The following ZFHX3 variants were observed in gnomAD, a reference collection of about 807,000 sequenced individuals.
ZFHX3 encodes zinc finger homeobox protein 3.
In ZFHX3, 42 loss-of-function variants were observed where a neutral mutation model predicts 279.1. The ratio of observed to expected loss-of-function variants is 0.15; its 90% confidence interval spans 0.12 to 0.19. The LOEUF (loss-of-function observed/expected upper bound fraction) is 0.19, where lower values mean the gene tolerates loss of function less well. ZFHX3 is among the 10% of genes least tolerant of loss of function. The pLI is 1.00. For synonymous variants in ZFHX3, 2,293 were observed against 1,957.8 expected (o/e 1.17, Z -4.52); for missense variants, 4,981 against 4,754.0 (o/e 1.05, Z -1.40).
chr16:72,799,183 C>T (rs959170174), intron 8 of ZFHX3, among the ~76,000 whole-genome samples: 3 of 152,214 alleles, frequency 2.0e-5, no homozygotes, highest in African/African-American at 4.8e-5. Flanking sequence ...GAGGAATTTA[C>T]AAGAACTGCT....
chr16:72,957,437 C>G lies in ZFHX3; in HGVS notation c.2709G>C (p.Thr903=). Residue 903 remains threonine (T), a synonymous_variant, in exon 2 of 10, where the codon ACG becomes ACC. Transcript: ENST00000268489. The part of the protein sequence containing the change: ...LDPAGPMAAM[T]PALVGGEIPL... ...CGTAGTCATCCTCACCTAGAGCAGGCGTCATGGCGGCCATGGGCCCGGCGG... is the reference window on the plus strand; with the variant it reads ...CGTAGTCATCCTCACCTAGAGCAGGGGTCATGGCGGCCATGGGCCCGGCGG... 1.2e-6 allele frequency: 2 copies of G among 1,608,894 alleles called. No homozygotes were observed. The highest frequency in any genetic ancestry group is 1.7e-6 in the Non-Finnish European group (2 of 1,177,166).
At chr16:73,088,864 C>G (rs1348837674) in intron 8 of ZFHX3, among the ~76,000 whole-genome samples, 1 of 152,134 alleles carries the variant, frequency 6.6e-6, no homozygotes. Context: ...AGTCTTGACC[C>G]TACATAGATC....
intron 5 of ZFHX3, among the ~76,000 whole-genome samples, chr16:72,826,918 G>C (rs962585060): frequency 6.6e-6 from 1 of 152,156 alleles, no homozygotes; most frequent in African/African-American, 2.4e-5. Flanking sequence ...CACTAGTGCT[G>C]TGAAGACACA....
At chr16:73,091,931 C>T (rs766892908) in intron 8 of ZFHX3, among the ~76,000 whole-genome samples, 2 of 152,198 alleles carry the variant, frequency 1.3e-5, no homozygotes, top group African/African-American at 2.4e-5. Flanking sequence ...ACATTCAGCA[C>T]ATATCCTTAA....
chr16:73,621,102 A>T (rs1332452391), intron 2 of ZFHX3, among the ~76,000 whole-genome samples: 1 of 152,210 alleles, frequency 6.6e-6, no homozygotes, highest in Non-Finnish European at 1.5e-5. Flanking sequence ...ACTGAGGAAG[A>T]GGTCTTGGGG....
intron 1 of ZFHX3, among the ~76,000 whole-genome samples, chr16:73,856,140 T>C (rs566102201): frequency 7.9e-5 from 12 of 152,328 alleles, no homozygotes; most frequent in Admixed American, 7.2e-4. Context: ...TTATAACCTA[T>C]ACAAAAGCTT....
chr16:73,527,312 G>C (rs2019713024), intron 2 of ZFHX3, among the ~76,000 whole-genome samples: 1 of 152,166 alleles, frequency 6.6e-6, no homozygotes, highest in Non-Finnish European at 1.5e-5. Context: ...CATTTACCTT[G>C]CATTCTGTCA....
Position 73,510,823 on chromosome 16 carries a change from C to A in ZFHX3, c.-1546-54565G>T, listed in dbSNP as rs554128521. Among the ~76,000 whole-genome samples, 119 of 152,350 alleles carry A rather than the reference C, an allele frequency of 7.8e-4. 1 individual carries two copies. In the South Asian group the frequency reaches 0.024, roughly 31 times the overall value. On this transcript the variant is annotated intron_variant, in intron 2 of 17. Coordinates refer to the ZFHX3 transcript ENST00000641206. ...TGCTCTGGCCAACTTCTCCCTAAGT[C>A]CACACCTTAGGGTAACAAAATCCTT... is the stretch of plus-strand genomic sequence containing the variant.
chr16:73,356,821 T>C (rs2016348563), intron 3 of ZFHX3, among the ~76,000 whole-genome samples: 1 of 151,678 alleles, frequency 6.6e-6, no homozygotes, highest in African/African-American at 2.4e-5. Flanking sequence ...CAAACACCTA[T>C]GATGCTCACC....
chr16:73,058,499 A>G (rs1296650259), intron 1 of ZFHX3: 26 of 115,126 alleles, frequency 2.3e-4, no homozygotes, highest in African/African-American at 9.5e-4. Context: ...CGGCGGCGGG[A>G]AAAAAAAAAG....
intron 1 of ZFHX3, among the ~76,000 whole-genome samples, chr16:73,852,610 G>A (rs1961618491): frequency 6.6e-6 from 1 of 152,136 alleles, no homozygotes; most frequent in African/African-American, 2.4e-5. Flanking sequence ...GATGGCATTG[G>A]TCATGATCAC....
At chr16:73,871,932 A>C (rs911436821) in intron 1 of ZFHX3, among the ~76,000 whole-genome samples, 1 of 152,212 alleles carries the variant, frequency 6.6e-6, no homozygotes, top group Non-Finnish European at 1.5e-5. Flanking sequence ...TACTCCCTGA[A>C]AATTATTTTG....
intron 5 of ZFHX3, among the ~76,000 whole-genome samples, chr16:73,203,806 G>T (rs2011689865): frequency 6.6e-6 from 1 of 152,176 alleles, no homozygotes; most frequent in South Asian, 2.1e-4. Context: ...AATGCTCAGT[G>T]GTACCTGGGC....
rs1375115948 is a variant in ZFHX3 at position 72,796,849 on chromosome 16, T to C, written c.5833A>G (p.Thr1945Ala). 3 of 1,613,504 alleles carry C rather than the reference T, an allele frequency of 1.9e-6. No homozygotes were observed. In the South Asian group the frequency reaches 3.3e-5, roughly 18 times the overall value. ...CCAAAGTTCTCCAGCAGGGCCTTGG[T>C]GGCGTTCCCTCTGGCATCTGAAGCA... ...RIASDARGNATKALLENFGFE... is the reference protein window; with the variant it reads ...RIASDARGNAAKALLENFGFE... The change falls in exon 9 of 10, where the codon ACC (threonine) becomes GCC (alanine). Residue 1945 changes from threonine (T) to alanine (A), a missense_variant. This residue lies in a region of ZFHX3 where 1,751 missense variants were observed against 1,770.0 expected (regional missense o/e 0.99). Transcript: ENST00000268489.
chr16:73,452,366 C>T (rs555140184), intron 3 of ZFHX3, among the ~76,000 whole-genome samples: 12 of 152,176 alleles, frequency 7.9e-5, no homozygotes, highest in East Asian at 7.7e-4. Flanking sequence ...CTTTCATCAA[C>T]GTCTGTATAT....
chr16:72,857,695 A>AAAAACAAAAC (rs59492312), intron 4 of ZFHX3, among the ~76,000 whole-genome samples: 5 of 151,712 alleles, frequency 3.3e-5, no homozygotes, highest in Admixed American at 1.3e-4. Context: ...TGTAATTGAC[A>AAAAACAAAAC]AAAACAAAAC....
At chr16:73,528,039 A>G (rs953638151) in intron 2 of ZFHX3, among the ~76,000 whole-genome samples, 7 of 152,170 alleles carry the variant, frequency 4.6e-5, no homozygotes, top group African/African-American at 1.7e-4. Context: ...CACTGATCCT[A>G]TGATGTACTG....
intron 2 of ZFHX3, among the ~76,000 whole-genome samples, chr16:73,622,764 G>A (rs1023908809): frequency 1.3e-5 from 2 of 152,056 alleles, no homozygotes; most frequent in African/African-American, 4.8e-5. Context: ...AGCTCTAAGG[G>A]CACCCTGCAA....
exon 1 of ZFHX3, chr16:73,059,378 ACACACACACACACACACACG>A: frequency 9.0e-6 from 1 of 110,652 alleles, no homozygotes; most frequent in Middle Eastern, 5.1e-3. Flanking sequence ...GCGCGCACAC[ACACACACACACACACACACG>A]CACACACACA....
Sources: gnomAD v4.1 joint callset for allele counts (sites outside exome capture counted in the v4.1 genomes callset) on GRCh38, gnomAD v4.1.1 for gene constraint, gnomAD v4.1.1 regional missense constraint, MANE v1.5 for transcripts, NCBI Gene and HGNC (gene_info 2026-07-23, HGNC 2026-07-21) for gene names.